Variants in CRYL1 observed in about 807,000 individuals in gnomAD.
The protein encoded by CRYL1 is lambda-crystallin homolog.
CRYL1 carries 29 observed loss-of-function variants against 36.6 expected under a neutral mutation model. That is an observed-to-expected ratio of 0.79 (90% CI 0.59 to 1.08). CRYL1 has a LOEUF of 1.08. CRYL1 is among the 50% of genes least tolerant of loss of function. CRYL1 has a pLI of 0.00. For missense variants in CRYL1, 411 were observed against 407.9 expected, an observed-to-expected ratio of 1.01 and a Z score of -0.06; for synonymous variants, 152 against 151.5, an observed-to-expected ratio of 1.00 and a Z score of -0.02.
Position 20,420,701 on chromosome 13 carries a change from T to TTTTTTTTG in CRYL1, c.634-7315_634-7314insCAAAAAAA. On this transcript the variant is annotated intron_variant, in intron 5 of 7. Coordinates refer to ENST00000298248, the MANE Select transcript of CRYL1 (RefSeq NM_015974.3). ...CTTTGACTTTTCTTTAAAATAGAGG[T>TTTTTTTTG]TGTGTGTGTGTGTGTGTGTGTGTGT... 3.5e-3 allele frequency among the ~76,000 whole-genome samples: 76 copies of TTTTTTTTG among 21,874 alleles called. 17 individuals are homozygous for TTTTTTTTG. The highest frequency in any genetic ancestry group is 0.02 in the Admixed American group (58 of 2,876). 14.4% of individuals were successfully genotyped at this position (21,874 alleles called of 152,430 possible).
chr13:20,434,365 C>G (rs992367974), intron 4 of CRYL1, among the ~76,000 whole-genome samples: 1 of 152,120 alleles, frequency 6.6e-6, no homozygotes, highest in African/African-American at 2.4e-5. Context: ...CCAATCAGTG[C>G]TCTGTAAAAC....
At position 20,404,046 on chromosome 13, in the gene CRYL1, T is replaced by C. The variant is rs776640573; in HGVS notation, c.*83A>G. 51 of 946,630 alleles carry C rather than the reference T, an allele frequency of 5.4e-5. No homozygotes were observed. The Middle Eastern group carries it at 1.3e-3, about 24-fold the overall frequency. 58.6% of individuals were successfully genotyped at this position (946,630 alleles called of 1,614,324 possible). The stretch of plus-strand genomic sequence containing the variant: ...TAGGATCTCCGTGGGCTGCTACCTA[T>C]GTCACAGAGGGCTGATTAAGGGCTT... On this transcript the variant is annotated 3_prime_UTR_variant, in exon 8 of 8. Coordinates refer to ENST00000298248, the MANE Select transcript of CRYL1 (RefSeq NM_015974.3).
At chr13:20,449,859 T>C (rs1051622046) in intron 3 of CRYL1, among the ~76,000 whole-genome samples, 49 of 152,062 alleles carry the variant, frequency 3.2e-4, no homozygotes, top group Admixed American at 2.6e-4. Flanking sequence ...ACCAAAAACC[T>C]AAAATATCTA....
In CRYL1 at chr13:20,435,610, C is replaced by T. The variant is rs1206270519; in HGVS notation, c.439-3314G>A. Among the ~76,000 whole-genome samples, 2 of 152,190 alleles carry T rather than the reference C, an allele frequency of 1.3e-5. No homozygotes were observed. The highest frequency in any genetic ancestry group is 2.9e-5 in the Non-Finnish European group (2 of 68,028). ...GACAGGAGAGGAGGCAGCTCCCCCGCCCCAAACCTTCCATGTGGGAGTGTG... is the reference window on the plus strand; with the variant it reads ...GACAGGAGAGGAGGCAGCTCCCCCGTCCCAAACCTTCCATGTGGGAGTGTG... On this transcript the variant is annotated intron_variant, in intron 4 of 7. Transcript: ENST00000298248. This position sits in a 1 kb window ranked among gnomAD's most constrained non-coding sequence, Gnocchi z 4.0.
intron 1 of CRYL1, among the ~76,000 whole-genome samples, chr13:20,523,128 A>G (rs562869782): frequency 6.6e-6 from 1 of 151,776 alleles, no homozygotes; most frequent in African/African-American, 2.4e-5. Context: ...TGTTGGCCAG[A>G]CTGGTCTCGA....
intron 2 of CRYL1, among the ~76,000 whole-genome samples, chr13:20,490,395 A>G (rs2033486774): frequency 6.6e-6 from 1 of 152,128 alleles, no homozygotes. Flanking sequence ...CTGTCTTGAA[A>G]AAATAATAAC....
chr13:20,493,421 A>G (rs1593484352), intron 2 of CRYL1, among the ~76,000 whole-genome samples: 4 of 152,274 alleles, frequency 2.6e-5, no homozygotes, highest in African/African-American at 9.6e-5. Context: ...GCACTTTGGG[A>G]GGCCGAGGTG....
intron 1 of CRYL1, among the ~76,000 whole-genome samples, chr13:20,513,196 T>C (rs2314232): frequency 0.19 from 29,407 of 152,172 alleles, 3,281 homozygotes; most frequent in African/African-American, 0.3. Flanking sequence ...CATGGAGCCC[T>C]GCAGCATCTC....
At chr13:20,454,396 A>G (rs2032635317) in intron 3 of CRYL1, among the ~76,000 whole-genome samples, 3 of 150,218 alleles carry the variant, frequency 2.0e-5, no homozygotes, top group South Asian at 2.1e-4. Flanking sequence ...TCAGTTCACA[A>G]AATTCAACCC....
intron 3 of CRYL1, among the ~76,000 whole-genome samples, chr13:20,467,883 G>A (rs907081236): frequency 1.3e-5 from 2 of 152,190 alleles, no homozygotes; most frequent in African/African-American, 4.8e-5. Flanking sequence ...CGCAGCAGGA[G>A]GTGAGCCGTG....
chr13:20,508,686 A>T (rs973013153), intron 2 of CRYL1, among the ~76,000 whole-genome samples: 3 of 151,500 alleles, frequency 2.0e-5, no homozygotes, highest in Non-Finnish European at 4.4e-5. Flanking sequence ...CTCTGCTAAA[A>T]ATACAAAAAA....
At chr13:20,461,207 T>G (rs1422506049) in intron 3 of CRYL1, among the ~76,000 whole-genome samples, 1 of 152,244 alleles carries the variant, frequency 6.6e-6, no homozygotes, top group Non-Finnish European at 1.5e-5. Flanking sequence ...CTGAGTTATA[T>G]TTTTTAATAT....
At chr13:20,458,103 A>G (rs1405000766) in intron 3 of CRYL1, among the ~76,000 whole-genome samples, 1 of 152,214 alleles carries the variant, frequency 6.6e-6, no homozygotes, top group Admixed American at 6.5e-5. Flanking sequence ...GTTAGATAAT[A>G]CTGTATGTCA....
chr13:20,437,680 T>C (rs1285962063), intron 4 of CRYL1, among the ~76,000 whole-genome samples: 1 of 152,166 alleles, frequency 6.6e-6, no homozygotes, highest in Non-Finnish European at 1.5e-5. Flanking sequence ...GTGTCATTAT[T>C]CAACAGTTAC....
intron 1 of CRYL1, among the ~76,000 whole-genome samples, chr13:20,523,016 A>G (rs1278020618): frequency 1.4e-5 from 2 of 141,258 alleles, no homozygotes; most frequent in Non-Finnish European, 3.0e-5. Flanking sequence ...TCCTGAGTTC[A>G]AGCGATTCTC....
intron 1 of CRYL1, among the ~76,000 whole-genome samples, chr13:20,513,286 G>A (rs992400008): frequency 2.0e-5 from 3 of 152,076 alleles, no homozygotes; most frequent in Non-Finnish European, 2.9e-5. Context: ...CACAAGACCC[G>A]TTAGTGAACT....
chr13:20,522,094 A>G (rs1244697843), intron 1 of CRYL1, among the ~76,000 whole-genome samples: 3 of 152,208 alleles, frequency 2.0e-5, no homozygotes, highest in Non-Finnish European at 2.9e-5. Flanking sequence ...TCACGCCTGT[A>G]ATCTCAGCAC....
chr13:20,421,013 G>T (rs140061267), intron 5 of CRYL1, among the ~76,000 whole-genome samples: 1 of 151,854 alleles, frequency 6.6e-6, no homozygotes, highest in East Asian at 1.9e-4. Context: ...GATTACAGGC[G>T]TGAGCCACTG....
intron 5 of CRYL1, chr13:20,427,011 G>A (rs753167286): frequency 3.9e-5 from 38 of 985,418 alleles, no homozygotes; most frequent in East Asian, 1.1e-4. Context: ...AGAACCTGCC[G>A]AGGGTTGCAG....
Sources: allele counts gnomAD v4.1 joint callset (sites outside exome capture counted in the v4.1 genomes callset), GRCh38; gene constraint gnomAD v4.1.1; non-coding constraint Gnocchi (gnomAD v3.1); transcripts MANE v1.5; gene names NCBI Gene and HGNC (gene_info 2026-07-23, HGNC 2026-07-21).